Variants in PPP2R5C observed in about 807,000 individuals in gnomAD.
PPP2R5C encodes serine/threonine-protein phosphatase 2A 56 kDa regulatory subunit gamma isoform.
A neutral mutation model predicts 68.9 loss-of-function variants in PPP2R5C; 7 were observed. That is an observed-to-expected ratio of 0.10 (90% CI 0.06 to 0.19). PPP2R5C has a LOEUF of 0.19. Among genes scored for constraint, PPP2R5C ranks in the 10% least tolerant of loss-of-function variants. The pLI, the probability that PPP2R5C is intolerant of heterozygous loss-of-function variation, is 1.00. For synonymous variants in PPP2R5C, 210 were observed against 222.2 expected, an observed-to-expected ratio of 0.95 and a Z score of 0.49; for missense variants, 348 against 641.3, an observed-to-expected ratio of 0.54 and a Z score of 4.94.
chr14:101,861,172 A>C (rs1188366918), intron 2 of PPP2R5C, among the ~76,000 whole-genome samples: 1 of 152,232 alleles, frequency 6.6e-6, no homozygotes, highest in African/African-American at 2.4e-5. Context: ...CAGTAACTAA[A>C]GAGTTAAGGT....
intron 6 of PPP2R5C, among the ~76,000 whole-genome samples, chr14:101,890,609 A>G (rs1176778257): frequency 2.6e-5 from 4 of 152,218 alleles, no homozygotes; most frequent in Admixed American, 2.0e-4. Context: ...AAGAAGGTTT[A>G]TATTAGAAGC....
chr14:101,807,347 C>G (rs2039117339), upstream of PPP2R5C, among the ~76,000 whole-genome samples: 10 of 152,072 alleles, frequency 6.6e-5, no homozygotes, highest in Admixed American at 6.5e-4. Flanking sequence ...ATTAATCTGC[C>G]TTTTTTGCCC....
At chr14:101,796,986 G>C (rs77302955) in intron 3 of PPP2R5C, 3 of 352,812 alleles carry the variant, frequency 8.5e-6, no homozygotes, top group Non-Finnish European at 1.7e-5. Flanking sequence ...TGTACAACTC[G>C]GTGGTATTAG....
At chr14:101,810,666 A>C (rs2039308159) in intron 1 of PPP2R5C, among the ~76,000 whole-genome samples, 1 of 152,238 alleles carries the variant, frequency 6.6e-6, no homozygotes, top group South Asian at 2.1e-4. Flanking sequence ...TTTGCATTTA[A>C]ATAGGCTCTG....
intron 1 of PPP2R5C, among the ~76,000 whole-genome samples, chr14:101,854,104 A>G (rs192611802): frequency 6.6e-6 from 1 of 152,318 alleles, no homozygotes; most frequent in African/African-American, 2.4e-5. Context: ...AAGAGTCCTG[A>G]ACGCTGTAAT....
rs1374163611 is a variant in PPP2R5C, at chr14:101,888,161, A to G, written c.630-2076A>G. Among the ~76,000 whole-genome samples the G allele has an allele frequency of 6.6e-6, 1 of 152,186 alleles. No homozygotes were observed. Among genetic ancestry groups the G allele is most frequent in the Admixed American group, 6.5e-5 (1 of 15,284 alleles). On this transcript the variant is annotated intron_variant, in intron 5 of 13. Transcript: ENST00000334743. The surrounding 1 kb of genome is among the most constrained non-coding windows in gnomAD (Gnocchi z 5.6). ...ATGTTAAAGCTGATGGATCTAGACC[A>G]GAAGGGGTCCAGGGGTCTTTGTCTC...
chr14:101,840,482 CAAAAAAAAAAAA>C (rs10611025), intron 1 of PPP2R5C, among the ~76,000 whole-genome samples: 5 of 51,874 alleles, frequency 9.6e-5, no homozygotes, highest in Non-Finnish European at 1.0e-4. Flanking sequence ...CCCCCACCAC[CAAAAAAAAAAAA>C]AAAAAAAAAA....
intron 1 of PPP2R5C, among the ~76,000 whole-genome samples, chr14:101,812,168 T>C (rs764066771): frequency 1.3e-5 from 2 of 152,090 alleles, no homozygotes; most frequent in South Asian, 4.1e-4. Context: ...GGCCTTAGAG[T>C]CTTAGCTTAA....
In PPP2R5C at chr14:101,794,076, A is replaced by G. The variant is rs115876246; in HGVS notation, c.259+7893A>G. Among the ~76,000 whole-genome samples, 1,220 of 152,308 alleles carry G rather than the reference A, an allele frequency of 8.0e-3. 19 individuals are homozygous for G. The highest frequency in any genetic ancestry group is 0.026 in the African/African-American group (1,076 of 41,546). ...GCCATGGGTGGTTTTGGAAAAGGCAACATTCGAGTGGGGAAACAGGAATGC... is the reference window on the plus strand; with the variant it reads ...GCCATGGGTGGTTTTGGAAAAGGCAGCATTCGAGTGGGGAAACAGGAATGC... On this transcript the variant is annotated intron_variant, in intron 3 of 14. Transcript: ENST00000328724.
intron 1 of PPP2R5C, among the ~76,000 whole-genome samples, chr14:101,816,936 A>T (rs1204050866): frequency 7.0e-6 from 1 of 142,010 alleles, no homozygotes; most frequent in African/African-American, 2.6e-5. Flanking sequence ...TAATATATAT[A>T]ATATAAAAAT....
At chr14:101,794,630 T>G (rs1437733571) in intron 3 of PPP2R5C, among the ~76,000 whole-genome samples, 1 of 152,254 alleles carries the variant, frequency 6.6e-6, no homozygotes, top group Non-Finnish European at 1.5e-5. Context: ...GAGTATGCTA[T>G]GACTATTTTC....
At chr14:101,817,472 G>A (rs1317345490) in intron 1 of PPP2R5C, among the ~76,000 whole-genome samples, 1 of 152,180 alleles carries the variant, frequency 6.6e-6, no homozygotes, top group Non-Finnish European at 1.5e-5. Flanking sequence ...CACAGTAGCT[G>A]CACAGACGGC....
intron 5 of PPP2R5C, among the ~76,000 whole-genome samples, 183 bp downstream of exon 7, chr14:101,883,745 C>T (rs1199259335): frequency 1.3e-5 from 2 of 152,138 alleles, no homozygotes; most frequent in Non-Finnish European, 2.9e-5. Context: ...CTGGGCTCAT[C>T]CTCCCTGCCT....
rs977136189 is a variant in PPP2R5C at position 101,893,763 on chromosome 14, A to C, written c.798+655A>C. Among the ~76,000 whole-genome samples, 22 of 152,128 alleles carry C rather than the reference A, an allele frequency of 1.4e-4. 1 individual carries two copies. The highest frequency in any genetic ancestry group is 1.4e-3 in the Admixed American group (22 of 15,290). On this transcript the variant is annotated intron_variant, in intron 7 of 13. Transcript: ENST00000334743. ...GAAACTCCATCTCAAAAATAAATAA[A>C]TAAATGAATGAATAAAGCTGTGAAT...
rs1276456484 is a variant in PPP2R5C at position 101,813,870 on chromosome 14, AAAGTTTATTTTCTCAC to A, written c.94+3839_94+3854del. ...TCTTGGGAAGTGGAAGTCTAATGGA[AAAGTTTATTTTCTCAC>A]AAGTACTTCCTGAGTCACCAATTTG... On this transcript the variant is annotated intron_variant, in intron 1 of 13. Transcript: ENST00000334743. Among the ~76,000 whole-genome samples the A allele has an allele frequency of 2.6e-5, 4 of 152,206 alleles. No individual in the cohort carries two copies. The South Asian group carries it at 8.3e-4, about 32-fold the overall frequency.
chr14:101,768,155 AGACATTGTCTG>A (rs896228632), intron 2 of PPP2R5C, among the ~76,000 whole-genome samples: 2 of 152,240 alleles, frequency 1.3e-5, no homozygotes, highest in Admixed American at 6.5e-5. Context: ...AAATGCATCC[AGACATTGTCTG>A]GACATTGTCT....
Position 101,906,867 on chromosome 14 carries a change from C to A in PPP2R5C, c.1151+338C>A, listed in dbSNP as rs931676434. Among the ~76,000 whole-genome samples the A allele has an allele frequency of 2.6e-5, 4 of 152,134 alleles. No individual in the cohort carries two copies. In the South Asian group the frequency reaches 8.3e-4, roughly 32 times the overall value. The stretch of plus-strand genomic sequence containing the variant: ...CTCAGCCCCGGCGGGGGCACAGTGG[C>A]CACTGCATTCTCGGGGTGTCTATTG... On this transcript the variant is annotated intron_variant, in intron 10 of 13. Transcript: ENST00000334743. The surrounding 1 kb of genome is among the most constrained non-coding windows in gnomAD (Gnocchi z 4.0).
chr14:101,838,567 T>A (rs2041262662), intron 1 of PPP2R5C, among the ~76,000 whole-genome samples: 1 of 152,208 alleles, frequency 6.6e-6, no homozygotes. Flanking sequence ...CTCCTTTACC[T>A]TCAGGGCCCT....
chr14:101,835,706 C>G lies in PPP2R5C; in HGVS notation c.95-20980C>G, dbSNP rs112417553. ...GCAGGAACGGTGAGACCACTCTTCT[C>G]CCTGTAAGGGACCAGTAGCATGTGT... On this transcript the variant is annotated intron_variant, in intron 1 of 13. Coordinates refer to ENST00000334743, the Ensembl canonical transcript of PPP2R5C. This position sits in a 1 kb window ranked among gnomAD's most constrained non-coding sequence, Gnocchi z 5.0. 9.2e-3 allele frequency among the ~76,000 whole-genome samples: 1,407 copies of G among 152,348 alleles called. 12 individuals carry two copies. The highest frequency in any genetic ancestry group is 0.032 in the African/African-American group (1,324 of 41,588).
Sources: gnomAD v4.1 joint callset for allele counts (sites outside exome capture counted in the v4.1 genomes callset) on GRCh38, gnomAD v4.1.1 for gene constraint, Gnocchi (gnomAD v3.1) non-coding constraint, MANE v1.5 for transcripts, NCBI Gene and HGNC (gene_info 2026-07-23, HGNC 2026-07-21) for gene names.